Variants in GHR observed in about 807,000 individuals in gnomAD.
The protein encoded by GHR is GH receptor.
Under a neutral mutation model 67.1 loss-of-function variants are expected in GHR, and 35 were observed. The ratio of observed to expected loss-of-function variants is 0.52; its 90% CI spans 0.40 to 0.69. The LOEUF (loss-of-function observed/expected upper bound fraction) is 0.69. Among genes scored for constraint, GHR ranks in the 30% least tolerant of loss-of-function variants. GHR has a pLI of 0.00. For missense variants in GHR, 792 were observed against 764.6 expected (o/e 1.04, Z -0.42); for synonymous variants, 272 against 269.1 (o/e 1.01, Z -0.10).
At chr5:42,595,848 A>G (rs1218818419) in intron 2 of GHR, among the ~76,000 whole-genome samples, 1 of 152,216 alleles carries the variant, frequency 6.6e-6, no homozygotes, top group African/African-American at 2.4e-5. Flanking sequence ...TGATGTCCTG[A>G]GCACAGTAAG....
intron 1 of GHR, chr5:42,514,330 G>A: frequency 1.1e-6 from 1 of 918,528 alleles, no homozygotes; most frequent in Non-Finnish European, 1.3e-6. Flanking sequence ...TTCACCCCTT[G>A]TTGAGATCTC....
At chr5:42,450,610 G>C (rs777808516) in intron 1 of GHR, among the ~76,000 whole-genome samples, 2 of 151,746 alleles carry the variant, frequency 1.3e-5, no homozygotes, top group African/African-American at 2.4e-5. Flanking sequence ...TTTTGTTGTT[G>C]TTGTTGTTGT....
At chr5:42,443,567 G>A (rs1656337136) in intron 1 of GHR, among the ~76,000 whole-genome samples, 1 of 152,110 alleles carries the variant, frequency 6.6e-6, no homozygotes, top group Non-Finnish European at 1.5e-5. Flanking sequence ...ACACTGGCAT[G>A]TTTCACCAAT....
intron 1 of GHR, among the ~76,000 whole-genome samples, chr5:42,543,466 A>G (rs1437757753): frequency 6.6e-6 from 1 of 152,194 alleles, no homozygotes; most frequent in Non-Finnish European, 1.5e-5. Flanking sequence ...GCTCACACAC[A>G]CATACACAGA....
intron 1 of GHR, among the ~76,000 whole-genome samples, chr5:42,465,207 C>T (rs546821092): frequency 6.6e-5 from 10 of 152,210 alleles, no homozygotes; most frequent in African/African-American, 2.2e-4. Context: ...AATAGCTGGG[C>T]GCAGAGGCTG....
intron 1 of GHR, among the ~76,000 whole-genome samples, chr5:42,427,813 C>T (rs1742918366): frequency 6.6e-6 from 1 of 152,118 alleles, no homozygotes; most frequent in Non-Finnish European, 1.5e-5. Context: ...AGAAATTGGC[C>T]AAAACAGAGG....
intron 3 of GHR, among the ~76,000 whole-genome samples, chr5:42,686,401 C>G (rs1357845516): frequency 6.6e-6 from 1 of 152,090 alleles, no homozygotes; most frequent in Non-Finnish European, 1.5e-5. Context: ...ACCAATATCC[C>G]TGATGAACAC....
At chr5:42,513,601 G>A (rs1415727223) in intron 1 of GHR, among the ~76,000 whole-genome samples, 1 of 152,126 alleles carries the variant, frequency 6.6e-6, no homozygotes, top group Non-Finnish European at 1.5e-5. Flanking sequence ...TGACCAACAT[G>A]GAGAAACCTT....
At chr5:42,551,533 A>G (rs1275309566) in intron 1 of GHR, among the ~76,000 whole-genome samples, 19 of 152,202 alleles carry the variant, frequency 1.2e-4, no homozygotes, top group Non-Finnish European at 1.5e-5. Flanking sequence ...CGTTCCAGGG[A>G]GAATGCAGAG....
rs528600771 is a variant in GHR, at chr5:42,712,835, G to A, written c.785-594G>A. On this transcript the variant is annotated intron_variant, in intron 7 of 9. Coordinates refer to ENST00000230882, the MANE Select transcript of GHR (RefSeq NM_000163.5). ...GTAGTGATCTTTCTGTCAATTTTAT[G>A]TATATAATATACATGAGATATATTT... Among the ~76,000 whole-genome samples the A allele has an allele frequency of 1.5e-4, 23 of 151,128 alleles. No individual in the cohort carries two copies. The South Asian group carries it at 4.6e-3, about 30-fold the overall frequency.
Position 42,720,061 on chromosome 5 carries a change from T to C in GHR, c.*637T>C, listed in dbSNP as rs1220875937. ...TGACCCCTCTAAGGAGTGTAGCAAC[T>C]ACAGTCTAAAGCTGGTTTAATGTTT... is the stretch of plus-strand genomic sequence containing the variant. On this transcript the variant is annotated 3_prime_UTR_variant, in exon 10 of 10. Transcript: ENST00000230882. The C allele has an allele frequency of 1.3e-5, 2 of 154,962 alleles. No homozygotes were observed. The highest frequency in any genetic ancestry group is 2.9e-5 in the Non-Finnish European group (2 of 69,978). 9.6% of individuals were successfully genotyped at this position (154,962 alleles called of 1,614,324 possible). A position where few individuals can be genotyped will look rare whatever the true frequency, so the allele number is the denominator to read the frequency against.
chr5:42,544,394 G>T (rs1579910548), intron 1 of GHR, among the ~76,000 whole-genome samples: 1 of 152,164 alleles, frequency 6.6e-6, no homozygotes, highest in East Asian at 1.9e-4. Flanking sequence ...ATTGTTAACA[G>T]TGAAACTGAA....
chr5:42,646,312 A>T, intron 3 of GHR: 1 of 454,046 alleles, frequency 2.2e-6, no homozygotes, highest in Non-Finnish European at 4.4e-6. Flanking sequence ...GCCTCTCATT[A>T]TCCATTCTTC....
chr5:42,639,060 A>T (rs1330517508), intron 3 of GHR, among the ~76,000 whole-genome samples: 1 of 152,186 alleles, frequency 6.6e-6, no homozygotes, highest in African/African-American at 2.4e-5. Context: ...ATTCAGTATT[A>T]TTAAAGATAC....
At chr5:42,554,593 G>A (rs983031676) in intron 1 of GHR, among the ~76,000 whole-genome samples, 3 of 152,094 alleles carry the variant, frequency 2.0e-5, no homozygotes, top group South Asian at 2.1e-4. Flanking sequence ...GGAGCTGGCC[G>A]CTTGGACTTC....
At chr5:42,702,120 A>G (rs1320161622) in intron 6 of GHR, among the ~76,000 whole-genome samples, 2 of 152,124 alleles carry the variant, frequency 1.3e-5, no homozygotes, top group Non-Finnish European at 2.9e-5. Context: ...CATTAACTAT[A>G]GTCACCATTT....
intron 3 of GHR, among the ~76,000 whole-genome samples, chr5:42,672,008 T>G (rs6861260): frequency 0.021 from 3,144 of 148,096 alleles, 95 homozygotes; most frequent in African/African-American, 0.071. Flanking sequence ...CTCAAAATAG[T>G]AAGAGCCATC....
At chr5:42,587,130 T>A (rs1751518619) in intron 2 of GHR, among the ~76,000 whole-genome samples, 1 of 151,590 alleles carries the variant, frequency 6.6e-6, no homozygotes, top group Non-Finnish European at 1.5e-5. Context: ...AGGATCTCTA[T>A]TATATGAAAT....
intron 1 of GHR, chr5:42,565,458 T>C (rs1159920571): frequency 5.1e-6 from 5 of 984,888 alleles, no homozygotes; most frequent in Non-Finnish European, 6.0e-6. Flanking sequence ...TTTCCTTTTA[T>C]GGCCTGTCCA....
Sources: gnomAD v4.1 joint callset for allele counts (sites outside exome capture counted in the v4.1 genomes callset) on GRCh38, gnomAD v4.1.1 for gene constraint, MANE v1.5 for transcripts, NCBI Gene and HGNC (gene_info 2026-07-23, HGNC 2026-07-21) for gene names.